The following POLN variants were observed in gnomAD, a reference collection of about 807,000 sequenced individuals.
The protein encoded by POLN is DNA polymerase N.
POLN carries 108 observed loss-of-function variants against 113.5 expected under a neutral mutation model. That is an observed-to-expected ratio of 0.95 (90% CI 0.81 to 1.12). The LOEUF (loss-of-function observed/expected upper bound fraction) is 1.12. Ranked by LOEUF, POLN falls within the 50% of genes most tolerant of loss-of-function variation. The probability of loss-of-function intolerance (pLI) is 0.00; values close to 1 mark genes in which losing one functional copy is unlikely to be tolerated. For synonymous variants in POLN, 386 were observed against 391.5 expected, an observed-to-expected ratio of 0.99 and a Z score of 0.17; for missense variants, 1,097 against 1,077.1, an observed-to-expected ratio of 1.02 and a Z score of -0.26.
At chr4:2,240,161 C>G (rs1734920393) in intron 2 of POLN, 1 of 1,613,970 alleles carries the variant, frequency 6.2e-7, no homozygotes, top group Admixed American at 1.7e-5. Context: ...GCAGTCTAGC[C>G]ATCTCTAGTC....
At chr4:2,189,694 G>T (rs141873525) in intron 7 of POLN, among the ~76,000 whole-genome samples, 1 of 150,478 alleles carries the variant, frequency 6.6e-6, no homozygotes, top group Non-Finnish European at 1.5e-5. Context: ...AAGAGTCAAT[G>T]CAATCTCTAT....
At chr4:2,216,441 C>T (rs185102405) in intron 3 of POLN, among the ~76,000 whole-genome samples, 24 of 152,310 alleles carry the variant, frequency 1.6e-4, no homozygotes, top group Admixed American at 1.5e-3. Context: ...AGACTGCACC[C>T]TGGAGGTGAC....
intron 16 of POLN, among the ~76,000 whole-genome samples, chr4:2,135,906 C>A (rs1187757306): frequency 6.6e-6 from 1 of 152,218 alleles, no homozygotes; most frequent in Non-Finnish European, 1.5e-5. Flanking sequence ...CAGGCATCCT[C>A]TACTGGGAGG....
rs35710410 is a variant in POLN at position 2,084,739 on chromosome 4, GC to G, written c.2197+873del. Among the ~76,000 whole-genome samples the G allele has an allele frequency of 3.7e-4, 57 of 152,360 alleles. No individual in the cohort carries two copies. The East Asian group carries it at 0.01, about 27-fold the overall frequency. Reference sequence around the variant, plus strand: ...CACTGCCGGCACCCAGAGGAAACAGGCCGCAGCATCTAAGATGCTGGTCCTG... The same window carrying G: ...CACTGCCGGCACCCAGAGGAAACAGGCGCAGCATCTAAGATGCTGGTCCTG... On this transcript the variant is annotated intron_variant, in intron 21 of 25. Coordinates refer to ENST00000511885, the MANE Select transcript of POLN (RefSeq NM_181808.4).
At chr4:2,173,239 G>T (rs899052441) in intron 11 of POLN, among the ~76,000 whole-genome samples, 5 of 152,026 alleles carry the variant, frequency 3.3e-5, no homozygotes, top group African/African-American at 7.3e-5. Flanking sequence ...GTTATATTGG[G>T]GTTTCCTTTA....
intron 5 of POLN, among the ~76,000 whole-genome samples, chr4:2,202,482 G>C (rs113937691): frequency 3.3e-4 from 50 of 152,272 alleles, no homozygotes; most frequent in African/African-American, 1.2e-3. Flanking sequence ...CCAGCACTTT[G>C]GGAGGCCCAC....
At chr4:2,188,323 G>A (rs1158104841) in intron 7 of POLN, among the ~76,000 whole-genome samples, 3 of 152,096 alleles carry the variant, frequency 2.0e-5, no homozygotes, top group East Asian at 1.9e-4. Flanking sequence ...AACACGGGCC[G>A]GGCGCAGTGG....
At chr4:2,140,473 G>A (rs1041102953) in intron 16 of POLN, among the ~76,000 whole-genome samples, 1 of 152,152 alleles carries the variant, frequency 6.6e-6, no homozygotes, top group East Asian at 1.9e-4. Context: ...TGGGCTGGAC[G>A]CAGTGGCTCA....
In POLN at chr4:2,129,316, C is replaced by T. The variant is rs944435347; in HGVS notation, c.1790-60G>A. On this transcript the variant is annotated intron_variant, in intron 17 of 25. Coordinates refer to ENST00000511885, the MANE Select transcript of POLN (RefSeq NM_181808.4). ...GGTCATGAACTGATGCATAGCTATT[C>T]CTCAATACAATATTATTTGAATATT... is the stretch of plus-strand genomic sequence containing the variant. 98 of 1,011,740 alleles carry T rather than the reference C, an allele frequency of 9.7e-5. No homozygotes were observed. The South Asian group carries it at 1.2e-3, about 12-fold the overall frequency. 62.7% of individuals were successfully genotyped at this position (1,011,740 alleles called of 1,614,324 possible). A position where few individuals can be genotyped will look rare whatever the true frequency, so the allele number is the denominator to read the frequency against.
At chr4:2,201,754 T>G (rs752801630) in intron 5 of POLN, among the ~76,000 whole-genome samples, 1 of 152,138 alleles carries the variant, frequency 6.6e-6, no homozygotes, top group Non-Finnish European at 1.5e-5. Flanking sequence ...TGTCATCAGT[T>G]TATCCAAAGT....
chr4:2,156,375 CTTT>C (rs34241266), intron 16 of POLN: 994 of 380,016 alleles, frequency 2.6e-3, no homozygotes, highest in South Asian at 4.3e-3. Flanking sequence ...GAATTTAGAG[CTTT>C]TTTTTTTTTT....
intron 19 of POLN, among the ~76,000 whole-genome samples, chr4:2,108,579 T>A (rs1731123112): frequency 6.6e-6 from 1 of 152,192 alleles, no homozygotes. Context: ...TAACTCTCGA[T>A]TACAGGTCCA....
At chr4:2,230,712 A>T (rs1041762785) in intron 2 of POLN, 1 of 152,078 alleles carries the variant, frequency 6.6e-6, no homozygotes, top group South Asian at 2.1e-4. Context: ...TAGTTTTTAG[A>T]TTGGCATTCC....
rs775573132 is a variant in POLN, at chr4:2,080,942, A to G, written c.2387+16T>C. 6.2e-7 allele frequency: 1 copy of G among 1,613,778 alleles called. No homozygotes were observed. The highest frequency in any genetic ancestry group is 1.1e-5 in the South Asian group (1 of 91,078). ...AACCCTCCCATCCAAGCCCTGGGAG[A>G]CCACCACCCACTGACCTGGCCGTCA... On this transcript the variant is annotated intron_variant, in intron 23 of 25. Transcript: ENST00000511885.
chr4:2,078,981 G>A (rs942065486), intron 23 of POLN: 27 of 949,934 alleles, frequency 2.8e-5, no homozygotes, highest in Non-Finnish European at 3.4e-5. Flanking sequence ...CCAGGCTGGA[G>A]TGCAGTGGTA....
At chr4:2,206,186 T>C (rs1387727612) in intron 5 of POLN, among the ~76,000 whole-genome samples, 3 of 152,168 alleles carry the variant, frequency 2.0e-5, no homozygotes, top group African/African-American at 4.8e-5. Context: ...GCTGAGATAA[T>C]TGGCAAGCCA....
At chr4:2,173,364 G>A (rs1441379608) in intron 11 of POLN, among the ~76,000 whole-genome samples, 2 of 152,124 alleles carry the variant, frequency 1.3e-5, no homozygotes, top group African/African-American at 2.4e-5. Flanking sequence ...TGGTGGTCAC[G>A]TCAGGGTATT....
intron 3 of POLN, among the ~76,000 whole-genome samples, chr4:2,220,900 G>A (rs1391805850): frequency 6.6e-6 from 1 of 152,154 alleles, no homozygotes. Context: ...GTATGCATGT[G>A]TATAACTATA....
chr4:2,138,396 G>C (rs1215020226), intron 16 of POLN, among the ~76,000 whole-genome samples: 2 of 152,168 alleles, frequency 1.3e-5, no homozygotes, highest in Non-Finnish European at 2.9e-5. Flanking sequence ...GACTCTCCCG[G>C]CTGGAGGGAT....
Sources: gnomAD v4.1 joint callset for allele counts (sites outside exome capture counted in the v4.1 genomes callset) on GRCh38, gnomAD v4.1.1 for gene constraint, MANE v1.5 for transcripts, NCBI Gene and HGNC (gene_info 2026-07-23, HGNC 2026-07-21) for gene names.